The following PNLIPRP3 variants were observed in gnomAD, a reference collection of about 807,000 sequenced individuals.
PNLIPRP3 encodes the protein pancreatic lipase-related protein 3.
In PNLIPRP3, 58 loss-of-function variants were observed where a neutral mutation model predicts 52.8. That is an observed-to-expected ratio of 1.10 (90% CI 0.89 to 1.37). PNLIPRP3 has a LOEUF of 1.37. Ranked by LOEUF, PNLIPRP3 falls within the 40% of genes most tolerant of loss-of-function variation. The pLI, the probability that PNLIPRP3 is intolerant of heterozygous loss-of-function variation, is 0.00. For synonymous variants in PNLIPRP3, 192 were observed against 185.0 expected (o/e 1.04, Z -0.31); for missense variants, 593 against 561.6 (o/e 1.06, Z -0.57).
In PNLIPRP3 at chr10:116,476,710, G is replaced by A. The variant is rs755359014; in HGVS notation, c.1231G>A (p.Gly411Arg). 6.2e-7 allele frequency: 1 copy of A among 1,605,066 alleles called. No individual in the cohort carries two copies. The highest frequency in any genetic ancestry group is 1.7e-5 in the Admixed American group (1 of 57,602). Residue 411 changes from glycine (G) to arginine (R), a missense_variant, in exon 11 of 12, where the codon GGA (glycine) becomes AGA (arginine). Coordinates refer to ENST00000369230, the MANE Select transcript of PNLIPRP3 (RefSeq NM_001011709.3). ...TKLIDADVNV[G>R]NITSVQFIWK... ...ATTAATCGATGCAGATGTTAACGTTGGAAACATTACAAGTGTTCAGTTCAT... is the reference window on the plus strand; with the variant it reads ...ATTAATCGATGCAGATGTTAACGTTAGAAACATTACAAGTGTTCAGTTCAT...
intron 1 of PNLIPRP3, among the ~76,000 whole-genome samples, chr10:116,435,532 G>A (rs1405920134): frequency 6.6e-6 from 1 of 152,048 alleles, no homozygotes; most frequent in East Asian, 1.9e-4. Flanking sequence ...AGAGTGGGAT[G>A]CGCTGGGTTA....
intron 3 of PNLIPRP3, among the ~76,000 whole-genome samples, chr10:116,443,813 A>G (rs1466191324): frequency 0.045 from 399 of 8,810 alleles, 9 homozygotes; most frequent in Middle Eastern, 0.25. Context: ...ATATATATAT[A>G]TATATATATA....
At chr10:116,468,711 T>C (rs1280196453) in intron 8 of PNLIPRP3, among the ~76,000 whole-genome samples, 1 of 152,216 alleles carries the variant, frequency 6.6e-6, no homozygotes, top group Non-Finnish European at 1.5e-5. Flanking sequence ...TTGATCTGAT[T>C]ATATTTTTGA....
At chr10:116,475,497 A>G (rs1378133056) in intron 10 of PNLIPRP3, among the ~76,000 whole-genome samples, 1 of 152,366 alleles carries the variant, frequency 6.6e-6, no homozygotes, top group Non-Finnish European at 1.5e-5. Flanking sequence ...GCTGCAATGT[A>G]TGGGCAATGA....
intron 5 of PNLIPRP3, among the ~76,000 whole-genome samples, chr10:116,459,989 A>G (rs1846168389): frequency 6.6e-6 from 1 of 152,024 alleles, no homozygotes; most frequent in African/African-American, 2.4e-5. Flanking sequence ...GCTGGTGTCG[A>G]ACTCCTGACC....
chr10:116,469,970 C>A (rs1202384563), intron 9 of PNLIPRP3, among the ~76,000 whole-genome samples: 77 of 131,450 alleles, frequency 5.9e-4, no homozygotes, highest in African/African-American at 1.5e-3. Flanking sequence ...ACAATTCAGG[C>A]AAAAAAAAAA....
chr10:116,466,022 A>G (rs759407658), intron 7 of PNLIPRP3, 28 bp from the exon 8 acceptor site: 19 of 1,471,204 alleles, frequency 1.3e-5, no homozygotes, highest in Admixed American at 5.0e-5. Flanking sequence ...GTTAATTGCT[A>G]TCAGTTAATT....
At chr10:116,437,719 T>C (rs1845796490) in intron 2 of PNLIPRP3, among the ~76,000 whole-genome samples, 1 of 152,070 alleles carries the variant, frequency 6.6e-6, no homozygotes, top group Non-Finnish European at 1.5e-5. Context: ...TATGAGGCCA[T>C]TTAGAACTGT....
chr10:116,443,783 G>GTC (rs1476281526), intron 3 of PNLIPRP3, among the ~76,000 whole-genome samples: 1 of 28,752 alleles, frequency 3.5e-5, no homozygotes, highest in Non-Finnish European at 1.2e-4. Context: ...GTGTGTGTGT[G>GTC]TGTATGTATG....
chr10:116,447,407 A>C (rs1288332892), intron 4 of PNLIPRP3, among the ~76,000 whole-genome samples: 1 of 152,218 alleles, frequency 6.6e-6, no homozygotes, highest in African/African-American at 2.4e-5. Context: ...AAATACCAAC[A>C]TAAAGAGTCA....
At chr10:116,447,831 G>A (rs1465517068) in intron 4 of PNLIPRP3, among the ~76,000 whole-genome samples, 1 of 152,018 alleles carries the variant, frequency 6.6e-6, no homozygotes, top group Admixed American at 6.6e-5. Flanking sequence ...CAGCTACATG[G>A]GAGGCTAAGG....
intron 1 of PNLIPRP3, among the ~76,000 whole-genome samples, chr10:116,436,445 T>C (rs1845774984): frequency 6.6e-6 from 1 of 152,162 alleles, no homozygotes; most frequent in Non-Finnish European, 1.5e-5. Context: ...AATGATCATT[T>C]TGGAATATGA....
At chr10:116,456,867 C>T (rs1846123875) in intron 5 of PNLIPRP3, among the ~76,000 whole-genome samples, 1 of 152,218 alleles carries the variant, frequency 6.6e-6, no homozygotes, top group Non-Finnish European at 1.5e-5. Context: ...CTCAGTCCCT[C>T]ATCTCTTGCC....
chr10:116,428,404 C>T (rs931857431), intron 1 of PNLIPRP3, among the ~76,000 whole-genome samples: 9 of 152,070 alleles, frequency 5.9e-5, no homozygotes, highest in Non-Finnish European at 1.5e-5. Flanking sequence ...TGGGCTTAGA[C>T]ATTGAAGTCT....
At chr10:116,473,101 G>A (rs571098908) in intron 10 of PNLIPRP3, among the ~76,000 whole-genome samples, 16 of 152,190 alleles carry the variant, frequency 1.1e-4, no homozygotes, top group Admixed American at 7.2e-4. Flanking sequence ...TTGTGAGAGC[G>A]TTTCCACATC....
intron 7 of PNLIPRP3, among the ~76,000 whole-genome samples, chr10:116,462,570 T>C (rs1846208759): frequency 1.3e-5 from 2 of 152,142 alleles, no homozygotes; most frequent in South Asian, 4.1e-4. Flanking sequence ...ATATTTGTAA[T>C]GACTATATTT....
intron 8 of PNLIPRP3, among the ~76,000 whole-genome samples, chr10:116,468,044 C>G (rs918101404): frequency 3.5e-5 from 5 of 143,366 alleles, no homozygotes; most frequent in African/African-American, 2.6e-5. Context: ...AGAATGGCAT[C>G]AACCCGGGAG....
chr10:116,476,640 T>C lies in PNLIPRP3; in HGVS notation c.1173-12T>C, dbSNP rs1222596170. 6.4e-7 allele frequency: 1 copy of C among 1,552,562 alleles called. No homozygotes were observed. The highest frequency in any genetic ancestry group is 8.7e-7 in the Non-Finnish European group (1 of 1,153,812). The stretch of plus-strand genomic sequence containing the variant: ...CCCAGTGCAAACTTACGAGTCTTAT[T>C]TTTGTTTACAGTGGAAAACTTGAGC... On this transcript the variant is annotated splice_polypyrimidine_tract_variant and intron_variant, in intron 10 of 11. Coordinates refer to ENST00000369230, the MANE Select transcript of PNLIPRP3 (RefSeq NM_001011709.3).
chr10:116,434,767 C>G (rs1191491353), intron 1 of PNLIPRP3, among the ~76,000 whole-genome samples: 1 of 152,064 alleles, frequency 6.6e-6, no homozygotes, highest in East Asian at 1.9e-4. Flanking sequence ...AAACAGAAGG[C>G]TGTTTTAGAA....
Sources: allele counts gnomAD v4.1 joint callset (sites outside exome capture counted in the v4.1 genomes callset), GRCh38; gene constraint gnomAD v4.1.1; transcripts MANE v1.5; gene names NCBI Gene and HGNC (gene_info 2026-07-23, HGNC 2026-07-21).